Variants in VTI1A observed in about 807,000 individuals in gnomAD.
The protein encoded by VTI1A is vesicle transport through interaction with t-SNAREs homolog 1A.
In VTI1A, 22 loss-of-function variants were observed where a neutral mutation model predicts 34.9. That is an observed-to-expected ratio of 0.63 (90% CI 0.45 to 0.90). The LOEUF is 0.90. VTI1A is among the 40% of genes least tolerant of loss of function. The pLI is 0.00. For missense variants in VTI1A, 268 were observed against 275.6 expected, an observed-to-expected ratio of 0.97 and a Z score of 0.20; for synonymous variants, 87 against 97.3, an observed-to-expected ratio of 0.89 and a Z score of 0.62.
intron 5 of VTI1A, among the ~76,000 whole-genome samples, chr10:112,665,498 G>A (rs1282427821): frequency 2.6e-5 from 4 of 152,114 alleles, no homozygotes; most frequent in African/African-American, 7.2e-5. Flanking sequence ...GGATGCATAC[G>A]CTCTTGCCAA....
intron 5 of VTI1A, among the ~76,000 whole-genome samples, chr10:112,625,182 A>G (rs780031127): frequency 1.1e-4 from 17 of 152,244 alleles, no homozygotes; most frequent in Non-Finnish European, 1.8e-4. Flanking sequence ...GGCTACGCCT[A>G]TGTTTGTGTG....
At chr10:112,633,329 A>C (rs2134630816) in intron 5 of VTI1A, among the ~76,000 whole-genome samples, 1 of 152,316 alleles carries the variant, frequency 6.6e-6, no homozygotes, top group East Asian at 1.9e-4. Context: ...ACTGTGCTAA[A>C]ACCCTGTAGG....
chr10:112,511,496 C>T (rs1308221164), intron 3 of VTI1A, among the ~76,000 whole-genome samples: 1 of 152,098 alleles, frequency 6.6e-6, no homozygotes, highest in Non-Finnish European at 1.5e-5. Flanking sequence ...CCCACCTCGG[C>T]CTCCCAAAGT....
intron 5 of VTI1A, among the ~76,000 whole-genome samples, chr10:112,593,959 G>T (rs1055328895): frequency 6.6e-6 from 1 of 151,782 alleles, no homozygotes; most frequent in Non-Finnish European, 1.5e-5. Flanking sequence ...ACCCAGGCTG[G>T]AGTGCAGTGG....
rs922959404 is a variant in VTI1A at position 112,662,685 on chromosome 10, G to GT, written c.428-5526dup. 1.4e-4 allele frequency among the ~76,000 whole-genome samples: 22 copies of GT among 151,728 alleles called. 1 individual carries two copies. The highest frequency in any genetic ancestry group is 4.6e-4 in the African/African-American group (19 of 41,292). ...TGTCTCTTGATTATTCTTTTTTCCTGTTTTTTTGCATGTCACAATTTTATA... is the reference window on the plus strand; with the variant it reads ...TGTCTCTTGATTATTCTTTTTTCCTGTTTTTTTTGCATGTCACAATTTTATA... On this transcript the variant is annotated intron_variant, in intron 5 of 7. Coordinates refer to ENST00000393077, the MANE Select transcript of VTI1A (RefSeq NM_145206.4).
chr10:112,850,381 T>A, the VTI1A span, among the ~76,000 whole-genome samples: 4 of 147,604 alleles, frequency 2.7e-5, no homozygotes, highest in African/African-American at 9.9e-5. Context: ...AGAAACAGCC[T>A]GAAGCTCAAT....
intron 5 of VTI1A, among the ~76,000 whole-genome samples, chr10:112,645,602 A>G (rs1274846164): frequency 6.6e-6 from 1 of 152,204 alleles, no homozygotes; most frequent in African/African-American, 2.4e-5. Context: ...GAAGAAGCCT[A>G]GGTTCTAATC....
chr10:112,479,655 C>T (rs1848399794), intron 3 of VTI1A, among the ~76,000 whole-genome samples: 1 of 152,130 alleles, frequency 6.6e-6, no homozygotes, highest in Non-Finnish European at 1.5e-5. Context: ...AGTTTCACCC[C>T]CCACCTTCCC....
chr10:112,604,745 A>G (rs1337189517), intron 5 of VTI1A, among the ~76,000 whole-genome samples: 1 of 152,204 alleles, frequency 6.6e-6, no homozygotes, highest in Non-Finnish European at 1.5e-5. Context: ...GATATAAAAC[A>G]TTACATTTCT....
chr10:112,775,936 G>A (rs961855120), intron 7 of VTI1A, among the ~76,000 whole-genome samples: 2 of 152,186 alleles, frequency 1.3e-5, no homozygotes, highest in African/African-American at 4.8e-5. Flanking sequence ...ACAGTTCCTT[G>A]TTAATTAATT....
chr10:112,447,935 A>G (rs1846989303), intron 1 of VTI1A, among the ~76,000 whole-genome samples: 1 of 152,162 alleles, frequency 6.6e-6, no homozygotes, highest in Admixed American at 6.5e-5. Flanking sequence ...TACCTCTGTC[A>G]CTTAGAAGTT....
chr10:112,518,728 G>A (rs988495286), intron 3 of VTI1A, among the ~76,000 whole-genome samples: 2 of 150,448 alleles, frequency 1.3e-5, no homozygotes, highest in African/African-American at 4.9e-5. Context: ...TAAAAGTGTT[G>A]ATATACCTAC....
chr10:112,674,155 C>T (rs1170095052), intron 7 of VTI1A, among the ~76,000 whole-genome samples: 1 of 152,048 alleles, frequency 6.6e-6, no homozygotes, highest in Non-Finnish European at 1.5e-5. Context: ...TTTCTTTTCT[C>T]TGTTCTCTCA....
intron 7 of VTI1A, chr10:112,736,839 T>G: frequency 9.5e-7 from 1 of 1,050,482 alleles, no homozygotes; most frequent in South Asian, 1.3e-5. Flanking sequence ...GCCTTCTCAC[T>G]GAAAGAGCTG....
At chr10:112,803,089 A>G (rs1162160479) in intron 7 of VTI1A, among the ~76,000 whole-genome samples, 3 of 151,644 alleles carry the variant, frequency 2.0e-5, no homozygotes, top group Non-Finnish European at 4.4e-5. Context: ...ATTTTTTGAG[A>G]CGAAGTTTCG....
intron 5 of VTI1A, among the ~76,000 whole-genome samples, chr10:112,639,151 GAA>G (rs1353789515): frequency 6.6e-6 from 1 of 152,066 alleles, no homozygotes; most frequent in East Asian, 1.9e-4. Context: ...TGAAAACTGT[GAA>G]AGTCTCTTAA....
At chr10:112,635,805 C>T (rs991260370) in intron 5 of VTI1A, among the ~76,000 whole-genome samples, 39 of 152,180 alleles carry the variant, frequency 2.6e-4, no homozygotes, top group African/African-American at 8.9e-4. Flanking sequence ...CCACTTGATT[C>T]GCCCACATTT....
At chr10:112,555,474 C>T (rs1177968306) in intron 5 of VTI1A, among the ~76,000 whole-genome samples, 1 of 152,088 alleles carries the variant, frequency 6.6e-6, no homozygotes, top group Admixed American at 6.6e-5. Context: ...CTTTTAACTT[C>T]CTTGGCCTAT....
chr10:112,523,866 CA>C (rs1850119574), intron 3 of VTI1A, among the ~76,000 whole-genome samples: 1 of 152,084 alleles, frequency 6.6e-6, no homozygotes. Context: ...ATTTCCAGCT[CA>C]AATTCTCATG....
Sources: allele counts gnomAD v4.1 joint callset (sites outside exome capture counted in the v4.1 genomes callset), GRCh38; gene constraint gnomAD v4.1.1; transcripts MANE v1.5; gene names NCBI Gene and HGNC (gene_info 2026-07-23, HGNC 2026-07-21).